The following SUMF1 variants were observed in gnomAD, a reference collection of about 807,000 sequenced individuals.
SUMF1 encodes the protein formylglycine-generating enzyme.
SUMF1 carries 48 observed loss-of-function variants against 47.6 expected under a neutral mutation model. The observed-to-expected ratio is 1.01, with a 90% CI of 0.80 to 1.28. The LOEUF (loss-of-function observed/expected upper bound fraction) is 1.28, where lower values mean the gene tolerates loss of function less well. SUMF1 is among the 50% of genes most tolerant of loss of function. The pLI, the probability that SUMF1 is intolerant of heterozygous loss-of-function variation, is 0.00. For synonymous variants in SUMF1, 230 were observed against 192.1 expected, an observed-to-expected ratio of 1.20 and a Z score of -1.63; for missense variants, 571 against 485.4, an observed-to-expected ratio of 1.18 and a Z score of -1.66.
intron 8 of SUMF1, among the ~76,000 whole-genome samples, chr3:4,208,228 C>G (rs577821542): frequency 1.3e-5 from 2 of 152,148 alleles, no homozygotes; most frequent in South Asian, 4.2e-4. Flanking sequence ...ATACCCAACT[C>G]CAGCCCCCTC....
At chr3:4,066,179 C>T (rs1057100531) in intron 9 of SUMF1, among the ~76,000 whole-genome samples, 3 of 151,958 alleles carry the variant, frequency 2.0e-5, no homozygotes, top group Admixed American at 6.6e-5. Context: ...GAACCCTCCC[C>T]CATCATTTAC....
rs5846319 is a variant in SUMF1 at position 4,335,960 on chromosome 3, C to CAAAAAAAACAAAAAAAAAAAAAAAA, written c.1014+40369_1014+40370insTTTTTTTTTTTTTTTTGTTTTTTTT. Among the ~76,000 whole-genome samples, 28 of 73,850 alleles carry CAAAAAAAACAAAAAAAAAAAAAAAA rather than the reference C, an allele frequency of 3.8e-4. 1 individual carries two copies. Among genetic ancestry groups the CAAAAAAAACAAAAAAAAAAAAAAAA allele is most frequent in the African/African-American group, 1.7e-3 (24 of 14,062 alleles). 48.4% of individuals were successfully genotyped at this position (73,850 alleles called of 152,430 possible). ...TGGACAACTGAGTGAGATTCCAACT[C>CAAAAAAAACAAAAAAAAAAAAAAAA]AAAAAAAAAAAAAAAAAAAACAGAA... is the stretch of plus-strand genomic sequence containing the variant. On this transcript the variant is annotated intron_variant and NMD_transcript_variant, in intron 8 of 12. Coordinates refer to the SUMF1 transcript ENST00000448413.
chr3:4,042,504 G>A (rs1694926389), intron 9 of SUMF1, among the ~76,000 whole-genome samples: 1 of 152,098 alleles, frequency 6.6e-6, no homozygotes, highest in Non-Finnish European at 1.5e-5. Flanking sequence ...ACCTTTGCAA[G>A]GACATCTGCC....
At chr3:4,050,295 GA>G (rs370705371) in intron 9 of SUMF1, among the ~76,000 whole-genome samples, 4 of 146,646 alleles carry the variant, frequency 2.7e-5, no homozygotes, top group East Asian at 2.0e-4. Context: ...CCTACTTTCC[GA>G]AAAAAAAAAT....
intron 8 of SUMF1, among the ~76,000 whole-genome samples, chr3:4,075,434 C>T (rs889691813): frequency 3.3e-5 from 5 of 152,060 alleles, no homozygotes; most frequent in African/African-American, 1.2e-4. Context: ...TGGCACAAGA[C>T]AAAGATGCCC....
intron 8 of SUMF1, among the ~76,000 whole-genome samples, chr3:4,124,780 G>C (rs1161204137): frequency 2.0e-5 from 3 of 149,422 alleles, no homozygotes; most frequent in Non-Finnish European, 4.4e-5. Context: ...ATTGATTTGA[G>C]AATACTACCT....
intron 3 of SUMF1, among the ~76,000 whole-genome samples, chr3:4,426,457 C>T (rs1443512867): frequency 2.6e-5 from 4 of 152,218 alleles, no homozygotes; most frequent in South Asian, 2.1e-4. Context: ...ACTCACTAGA[C>T]GTTTTCCTTT....
chr3:4,160,301 A>G (rs563460904), intron 8 of SUMF1, among the ~76,000 whole-genome samples: 9 of 151,860 alleles, frequency 5.9e-5, no homozygotes, highest in Non-Finnish European at 1.0e-4. Flanking sequence ...GTGCAGTGGT[A>G]CAATCTTGAC....
intron 8 of SUMF1, among the ~76,000 whole-genome samples, chr3:4,343,674 T>C (rs1279518475): frequency 3.3e-5 from 5 of 152,186 alleles, no homozygotes; most frequent in South Asian, 2.1e-4. Context: ...TAAAGAAGAA[T>C]TGAAATGCTG....
intron 3 of SUMF1, among the ~76,000 whole-genome samples, chr3:4,436,959 A>T (rs1702423558): frequency 6.6e-6 from 1 of 152,182 alleles, no homozygotes; most frequent in Admixed American, 6.5e-5. Flanking sequence ...TAATGCCTTT[A>T]GTGTGCCAAA....
At chr3:4,462,030 G>A (rs1314386302) in intron 1 of SUMF1, among the ~76,000 whole-genome samples, 1 of 152,190 alleles carries the variant, frequency 6.6e-6, no homozygotes, top group Non-Finnish European at 1.5e-5. Context: ...TGGAATAACA[G>A]AACCATATGT....
chr3:4,140,133 TA>T (rs923682219), intron 8 of SUMF1, among the ~76,000 whole-genome samples: 9 of 152,056 alleles, frequency 5.9e-5, no homozygotes, highest in Admixed American at 5.2e-4. Context: ...AACTGGAATT[TA>T]TCCTAATTTT....
chr3:4,462,933 T>A (rs2079851972), intron 1 of SUMF1, among the ~76,000 whole-genome samples: 1 of 152,244 alleles, frequency 6.6e-6, no homozygotes, highest in South Asian at 2.1e-4. Context: ...TTGCCTCATC[T>A]GTAAAGTGGG....
At chr3:4,412,359 T>C (rs1270822366) in intron 6 of SUMF1, among the ~76,000 whole-genome samples, 1 of 152,138 alleles carries the variant, frequency 6.6e-6, no homozygotes, top group East Asian at 1.9e-4. Context: ...GAGAAGCTTC[T>C]GGCTGAAGGC....
At chr3:4,290,861 T>G (rs1697727777) in intron 8 of SUMF1, among the ~76,000 whole-genome samples, 1 of 152,176 alleles carries the variant, frequency 6.6e-6, no homozygotes, top group Non-Finnish European at 1.5e-5. Context: ...AAGCTGGTTG[T>G]TAAAGTGTTG....
chr3:4,315,325 A>G (rs939731286), intron 8 of SUMF1, among the ~76,000 whole-genome samples: 1 of 152,242 alleles, frequency 6.6e-6, no homozygotes, highest in Non-Finnish European at 1.5e-5. Flanking sequence ...GTTAGAAGGA[A>G]AATGATTGGC....
chr3:4,263,978 AT>A (rs1175832676), intron 8 of SUMF1, among the ~76,000 whole-genome samples: 1 of 152,240 alleles, frequency 6.6e-6, no homozygotes, highest in Non-Finnish European at 1.5e-5. Flanking sequence ...GAAAATACAT[AT>A]TAATAGCAAA....
intron 8 of SUMF1, among the ~76,000 whole-genome samples, chr3:4,337,037 T>C (rs1699167184): frequency 6.6e-6 from 1 of 152,186 alleles, no homozygotes; most frequent in Non-Finnish European, 1.5e-5. Context: ...TGCAAAACAC[T>C]CTGGATTTTC....
In SUMF1 at chr3:4,224,250, A is replaced by G. The variant is rs79876374; in HGVS notation, c.1014+152080T>C. 5.8e-3 allele frequency among the ~76,000 whole-genome samples: 889 copies of G among 152,194 alleles called. 11 individuals carry two copies. Among genetic ancestry groups the G allele is most frequent in the African/African-American group, 0.02 (846 of 41,530 alleles). On this transcript the variant is annotated intron_variant and NMD_transcript_variant, in intron 8 of 12. Transcript: ENST00000448413. ...GTAGGTTAGTTTCGCATTACTTAGG[A>G]AAAGACCTGGAAAGGGGAGAAAAAG...
Sources: allele counts gnomAD v4.1 joint callset (sites outside exome capture counted in the v4.1 genomes callset), GRCh38; gene constraint gnomAD v4.1.1; transcripts MANE v1.5; gene names NCBI Gene and HGNC (gene_info 2026-07-23, HGNC 2026-07-21).